BRME1: variants seen among roughly 807,000 people sequenced by gnomAD.
The protein encoded by BRME1 is break repair meiotic recombinase recruitment factor 1.
A neutral mutation model predicts 52.6 loss-of-function variants in BRME1; 31 were observed. The ratio of observed to expected loss-of-function variants is 0.59; its 90% CI spans 0.44 to 0.80. The LOEUF is 0.80. Among genes scored for constraint, BRME1 ranks in the 30% least tolerant of loss-of-function variants. The pLI is 0.00. For synonymous variants in BRME1, 359 were observed against 353.6 expected (o/e 1.02, Z -0.17); for missense variants, 804 against 860.3 (o/e 0.93, Z 0.82).
At position 13,888,766 on chromosome 19, in the gene BRME1, CCCCTCCCCAGGCCCAGGTATAAAG is replaced by C. The variant is rs1679960876; in HGVS notation, c.1668+398_1668+421del. 3.9e-5 allele frequency among the ~76,000 whole-genome samples: 6 copies of C among 152,126 alleles called. No homozygotes were observed. In the South Asian group the frequency reaches 1.0e-3, roughly 26 times the overall value. On this transcript the variant is annotated intron_variant, in intron 6 of 8. Transcript: ENST00000586783. The surrounding 1 kb of genome is among the most constrained non-coding windows in gnomAD (Gnocchi z 4.1). ...CTCTTTTGCAGCTTGGGAGTGAAGC[CCCCTCCCCAGGCCCAGGTATAAAG>C]CCATCCCCAGGCCCAGCTTCTCTCC...
intron 6 of BRME1, 46 bp downstream of exon 6, chr19:13,889,142 G>A: frequency 6.7e-7 from 1 of 1,499,202 alleles, no homozygotes; most frequent in Non-Finnish European, 8.9e-7. Context: ...TGGAGGTTGG[G>A]TGCCTGCCCT....
intron 1 of BRME1, 55 bp from the exon 2 acceptor site, chr19:13,904,968 T>C (rs1016004783): frequency 5.5e-6 from 8 of 1,455,428 alleles, no homozygotes; most frequent in Non-Finnish European, 6.7e-6. Context: ...TCTGTTTATA[T>C]CCAGTGGCTT....
rs1376340336 is a variant in BRME1 at position 13,883,215 on chromosome 19, C to CT, written c.1856+92dup. ...GAGGTGCCTGACCCTCGCTGCCCAC[C>CT]TAGGGGCTTCACACTTCAGTCCCTC... is the stretch of plus-strand genomic sequence containing the variant. On this transcript the variant is annotated intron_variant, in intron 8 of 8. Coordinates refer to ENST00000586783, the MANE Select transcript of BRME1 (RefSeq NM_001345843.2). This position sits in a 1 kb window ranked among gnomAD's most constrained non-coding sequence, Gnocchi z 4.2. The CT allele has an allele frequency of 8.1e-7, 1 of 1,228,678 alleles. No homozygotes were observed. Among genetic ancestry groups the CT allele is most frequent in the East Asian group, 2.6e-5 (1 of 38,916 alleles). 76.1% of individuals were successfully genotyped at this position (1,228,678 alleles called of 1,614,324 possible). A position where few individuals can be genotyped will look rare whatever the true frequency, so the allele number is the denominator to read the frequency against.
intron 4 of BRME1, 99 bp from the exon 5 acceptor site, chr19:13,892,989 T>C: frequency 1.5e-6 from 2 of 1,375,418 alleles, no homozygotes; most frequent in Non-Finnish European, 2.0e-6. Flanking sequence ...CTTGTAGCCT[T>C]GAGAGAACTC....
chr19:13,889,063 G>C (rs1165173813), intron 6 of BRME1, 125 bp downstream of exon 6: 3 of 874,852 alleles, frequency 3.4e-6, no homozygotes, highest in Non-Finnish European at 5.1e-6. Flanking sequence ...ATAGTCGTTG[G>C]CTGTGTAAAT....
intron 6 of BRME1, among the ~76,000 whole-genome samples, chr19:13,887,154 A>T (rs1969089696): frequency 6.6e-6 from 1 of 152,180 alleles, no homozygotes; most frequent in Non-Finnish European, 1.5e-5. Flanking sequence ...GTGTGGCCAC[A>T]GTGAGGTCAG....
At chr19:13,891,628 G>A (rs1419994884) in intron 5 of BRME1, among the ~76,000 whole-genome samples, 3 of 151,106 alleles carry the variant, frequency 2.0e-5, no homozygotes, top group Non-Finnish European at 4.4e-5. Context: ...ACCACAACTG[G>A]CTAAATTTTG....
In BRME1 at chr19:13,885,941, C is replaced by T. The variant is rs1226865587; in HGVS notation, c.1763+20G>A. 1 of 1,610,702 alleles carries T rather than the reference C, an allele frequency of 6.2e-7. No homozygotes were observed. Among genetic ancestry groups the T allele is most frequent in the Non-Finnish European group, 8.5e-7 (1 of 1,177,772 alleles). On this transcript the variant is annotated intron_variant, in intron 7 of 8. Coordinates refer to ENST00000586783, the MANE Select transcript of BRME1 (RefSeq NM_001345843.2). The stretch of plus-strand genomic sequence containing the variant: ...ATTTGTGAGGGTCCTGGAGCCACTT[C>T]TCACCCACGCCACACCTACCTCGGC...
chr19:13,883,492 A>G lies in BRME1; in HGVS notation c.1764-92T>C, dbSNP rs1443055627. ...AGGGGCTTCCGCAGGGCCTCGCGCCATCTTTTCCAGGTGTCCAGCCTGTCC... is the reference window on the plus strand; with the variant it reads ...AGGGGCTTCCGCAGGGCCTCGCGCCGTCTTTTCCAGGTGTCCAGCCTGTCC... On this transcript the variant is annotated intron_variant, in intron 7 of 8. Transcript: ENST00000586783. This position sits in a 1 kb window ranked among gnomAD's most constrained non-coding sequence, Gnocchi z 4.2. The G allele has an allele frequency of 2.1e-6, 2 of 963,950 alleles. No homozygotes were observed. The highest frequency in any genetic ancestry group is 3.1e-6 in the Non-Finnish European group (2 of 636,682). 59.7% of individuals were successfully genotyped at this position (963,950 alleles called of 1,614,324 possible).
intron 2 of BRME1, among the ~76,000 whole-genome samples, 186 bp from the exon 3 acceptor site, chr19:13,895,732 A>G (rs1969844514): frequency 6.6e-6 from 1 of 152,202 alleles, no homozygotes; most frequent in Non-Finnish European, 1.5e-5. Context: ...TAAATAAATT[A>G]TCCATGACTG....
intron 5 of BRME1, among the ~76,000 whole-genome samples, chr19:13,891,182 T>C (rs925233518): frequency 2.0e-5 from 3 of 149,756 alleles, no homozygotes; most frequent in African/African-American, 7.6e-5. Flanking sequence ...AGAGTTTCAC[T>C]CTTGTTGCCC....
intron 2 of BRME1, among the ~76,000 whole-genome samples, chr19:13,902,431 C>T (rs868518280): frequency 2.6e-5 from 4 of 151,782 alleles, no homozygotes; most frequent in Non-Finnish European, 2.9e-5. Context: ...GTTGGGAGTT[C>T]GAGACCAGCC....
At chr19:13,902,412 T>G (rs1212217442) in intron 2 of BRME1, among the ~76,000 whole-genome samples, 1 of 151,942 alleles carries the variant, frequency 6.6e-6, no homozygotes, top group Non-Finnish European at 1.5e-5. Flanking sequence ...GATGGGCGGA[T>G]CACCTGAGGT....
chr19:13,894,420 G>C (rs898062217), intron 3 of BRME1, among the ~76,000 whole-genome samples: 1 of 152,152 alleles, frequency 6.6e-6, no homozygotes, highest in Non-Finnish European at 1.5e-5. Flanking sequence ...AGCTACTCAG[G>C]AGGCTGAGGC....
chr19:13,902,880 G>A (rs972095204), intron 2 of BRME1, among the ~76,000 whole-genome samples: 8 of 150,628 alleles, frequency 5.3e-5, no homozygotes, highest in Non-Finnish European at 7.4e-5. Context: ...AGCCGAGATC[G>A]CGCCACTGCA....
chr19:13,895,932 C>T lies in BRME1; in HGVS notation c.32-386G>A, dbSNP rs1359269198. ...ACTTCCCCATCACTGAAAGCAATTG[C>T]GATGTGTCTTCTTCTGGCATTTAAG... On this transcript the variant is annotated intron_variant, in intron 2 of 8. Coordinates refer to ENST00000586783, the MANE Select transcript of BRME1 (RefSeq NM_001345843.2). 2.0e-5 allele frequency among the ~76,000 whole-genome samples: 3 copies of T among 152,288 alleles called. 1 individual carries two copies. The highest frequency in any genetic ancestry group is 7.2e-5 in the African/African-American group (3 of 41,582).
Position 13,888,024 on chromosome 19 carries a change from A to C in BRME1, c.1668+1164T>G, listed in dbSNP as rs1365571571. On this transcript the variant is annotated intron_variant, in intron 6 of 8. Transcript: ENST00000586783. The surrounding 1 kb of genome is among the most constrained non-coding windows in gnomAD (Gnocchi z 4.1). ...ACTGCAACCTCAGTCTCCCAGGTTC[A>C]AGTGATTCTTCTGCCTCAGCCTCCG... Among the ~76,000 whole-genome samples, 1 of 152,046 alleles carries C rather than the reference A, an allele frequency of 6.6e-6. No individual in the cohort carries two copies. Among genetic ancestry groups the C allele is most frequent in the Non-Finnish European group, 1.5e-5 (1 of 68,010 alleles).
Position 13,889,817 on chromosome 19 carries a change from TG to T in BRME1, c.1038del (p.Thr347LeufsTer66), listed in dbSNP as rs780252706. On this transcript the variant is annotated frameshift_variant, in exon 6 of 9. Transcript: ENST00000586783. LOFTEE classifies it high-confidence loss of function. ...TCCAGAGCCCTCTCTTCCAGCTCAG[TG>T]GGGTCTGTGCTCAGGTCTGCGATGA... is the stretch of plus-strand genomic sequence containing the variant. Reference protein sequence around the residue: ...MVVIADLSTDPTELEERALEV... With the variant: ...MVVIADLSTDXTELEERALEV... 6.2e-7 allele frequency: 1 copy of T among 1,613,116 alleles called. No homozygotes were observed. The highest frequency in any genetic ancestry group is 2.2e-5 in the East Asian group (1 of 44,882).
chr19:13,898,351 G>A (rs1475462869), intron 2 of BRME1, among the ~76,000 whole-genome samples: 1 of 152,154 alleles, frequency 6.6e-6, no homozygotes, highest in Non-Finnish European at 1.5e-5. Flanking sequence ...GTGTGGTGGT[G>A]CACACCTGCA....
Sources: gnomAD v4.1 joint callset for allele counts (sites outside exome capture counted in the v4.1 genomes callset) on GRCh38, gnomAD v4.1.1 for gene constraint, Gnocchi (gnomAD v3.1) non-coding constraint, MANE v1.5 for transcripts, NCBI Gene and HGNC (gene_info 2026-07-23, HGNC 2026-07-21) for gene names.